Variants in CDC14B observed in about 807,000 individuals in gnomAD.
CDC14B encodes the protein cell division cycle 14B.
CDC14B carries 22 observed loss-of-function variants against 64.2 expected under a neutral mutation model. The observed-to-expected ratio is 0.34, with a 90% CI of 0.24 to 0.49. CDC14B has a LOEUF of 0.49. Among genes scored for constraint, CDC14B ranks in the 20% least tolerant of loss-of-function variants. CDC14B has a pLI of 0.99. For synonymous variants in CDC14B, 191 were observed against 215.8 expected (o/e 0.89, Z 1.01); for missense variants, 498 against 629.9 (o/e 0.79, Z 2.24).
chr9:96,589,571 A>G (rs1314328612), intron 1 of CDC14B, among the ~76,000 whole-genome samples: 1 of 152,192 alleles, frequency 6.6e-6, no homozygotes, highest in African/African-American at 2.4e-5. Flanking sequence ...GATCTTCAGG[A>G]GCCTAATGTA....
chr9:96,493,156 G>C (rs576461371), exon 14 of CDC14B: 2 of 152,326 alleles, frequency 1.3e-5, no homozygotes, highest in Non-Finnish European at 2.9e-5. Context: ...CTGAGCCTGC[G>C]TCTCCGAAGC....
In CDC14B at chr9:96,516,624, C is replaced by T. The variant is rs375199958; in HGVS notation, c.1343+5882G>A. 6.6e-5 allele frequency among the ~76,000 whole-genome samples: 10 copies of T among 151,936 alleles called. No individual in the cohort carries two copies. In the South Asian group the frequency reaches 1.2e-3, roughly 19 times the overall value. On this transcript the variant is annotated intron_variant, in intron 12 of 13. Coordinates refer to ENST00000375241, the MANE Select transcript of CDC14B (RefSeq NM_033331.4). ...CCTCCTGAGTAGTTGGGATTAGAGG[C>T]GCACATCACCACGCCCGGCTAAGTA... is the stretch of plus-strand genomic sequence containing the variant.
chr9:96,567,148 C>T (rs547749283), intron 1 of CDC14B: 11 of 447,516 alleles, frequency 2.5e-5, no homozygotes, highest in African/African-American at 2.2e-4. Flanking sequence ...AGGGCTCCTC[C>T]AGTGCCCAAA....
intron 12 of CDC14B, among the ~76,000 whole-genome samples, chr9:96,517,467 A>G (rs1215448041): frequency 2.7e-5 from 4 of 149,914 alleles, no homozygotes; most frequent in Non-Finnish European, 5.9e-5. Flanking sequence ...CCTGGCTAAC[A>G]TGGTGAAACC....
chr9:96,574,547 T>A (rs1473688251), intron 1 of CDC14B, among the ~76,000 whole-genome samples: 1 of 151,932 alleles, frequency 6.6e-6, no homozygotes, highest in Non-Finnish European at 1.5e-5. Context: ...ATTTCTTTTT[T>A]ACTCAAAACA....
At chr9:96,497,644 T>C (rs1412554668), downstream of CDC14B, among the ~76,000 whole-genome samples, 17 of 152,320 alleles carry the variant, frequency 1.1e-4, no homozygotes, top group African/African-American at 3.8e-4. Context: ...GCGGCGACTG[T>C]GCATTTTTAC....
chr9:96,579,415 G>A (rs1442868319), intron 1 of CDC14B, among the ~76,000 whole-genome samples: 22 of 151,808 alleles, frequency 1.4e-4, no homozygotes, highest in Admixed American at 1.2e-3. Flanking sequence ...GTGAAACCCC[G>A]TCTCTACCAA....
Position 96,534,062 on chromosome 9 carries a change from T to C in CDC14B, c.811A>G (p.Lys271Glu). 2.5e-6 allele frequency: 4 copies of C among 1,613,208 alleles called. No homozygotes were observed. Among genetic ancestry groups the C allele is most frequent in the Non-Finnish European group, 3.4e-6 (4 of 1,179,230 alleles). Residue 271 changes from lysine to glutamate, a missense_variant, in exon 9 of 14, where the codon AAA becomes GAA. By Grantham distance (56) the Lys-to-Glu change is moderately conservative. Transcript: ENST00000375241. ...TCGAAGCCAGCATCCGTAAAGCGTT[T>C]GGCATCATACATCCTTTTATTCAGA... ...IRLNKRMYDA[K>E]RFTDAGFDHH...
Position 96,502,902 on chromosome 9 carries a change from G to A in CDC14B, c.*851C>T, listed in dbSNP as rs1273839739. On this transcript the variant is annotated 3_prime_UTR_variant, in exon 14 of 14. Transcript: ENST00000375241. ...ATTATTTGGGATTGCTGTTTCCAAG[G>A]GGAAAAACCAATAGTGTGTTTCTTC... is the stretch of plus-strand genomic sequence containing the variant. The A allele has an allele frequency of 7.5e-6, 3 of 398,364 alleles. No individual in the cohort carries two copies. The highest frequency in any genetic ancestry group is 1.3e-5 in the Non-Finnish European group (3 of 226,028). 24.7% of individuals were successfully genotyped at this position (398,364 alleles called of 1,614,324 possible).
chr9:96,614,317 T>C (rs1417432668), intron 1 of CDC14B, among the ~76,000 whole-genome samples: 3 of 151,924 alleles, frequency 2.0e-5, no homozygotes, highest in African/African-American at 4.8e-5. Context: ...ACACAGCTCA[T>C]TGCAGCCTTG....
At chr9:96,601,414 T>G (rs1265175260) in intron 1 of CDC14B, among the ~76,000 whole-genome samples, 1 of 151,508 alleles carries the variant, frequency 6.6e-6, no homozygotes, top group Non-Finnish European at 1.5e-5. Flanking sequence ...GGAGAATTGC[T>G]TGAACCCGGG....
At chr9:96,564,042 A>C (rs2132299402) in intron 3 of CDC14B, among the ~76,000 whole-genome samples, 1 of 152,250 alleles carries the variant, frequency 6.6e-6, no homozygotes, top group East Asian at 1.9e-4. Context: ...AATAAATTTT[A>C]TTTCCTCTCT....
intron 1 of CDC14B, among the ~76,000 whole-genome samples, chr9:96,582,296 A>C (rs995815476): frequency 6.6e-6 from 1 of 152,218 alleles, no homozygotes; most frequent in African/African-American, 2.4e-5. Flanking sequence ...AAATCAATAT[A>C]CTTTATGTTC....
intron 1 of CDC14B, among the ~76,000 whole-genome samples, chr9:96,590,150 AT>A (rs1845694810): frequency 6.6e-6 from 1 of 152,016 alleles, no homozygotes; most frequent in East Asian, 1.9e-4. Flanking sequence ...TCTTTTCCCT[AT>A]CCCCCAAAGG....
intron 1 of CDC14B, 60 bp downstream of exon 1, chr9:96,619,159 C>A: frequency 8.3e-7 from 1 of 1,205,750 alleles, no homozygotes; most frequent in Non-Finnish European, 1.0e-6. Flanking sequence ...GGAGGTGGGC[C>A]AGGGCCCCGC....
downstream of CDC14B, chr9:96,496,412 A>G (rs1199457927): frequency 2.1e-6 from 1 of 474,832 alleles, no homozygotes; most frequent in African/African-American, 2.0e-5. Context: ...CACCACCACC[A>G]CAGGGCCTGT....
chr9:96,574,863 A>G (rs1014261704), intron 1 of CDC14B, among the ~76,000 whole-genome samples: 1 of 152,208 alleles, frequency 6.6e-6, no homozygotes, highest in African/African-American at 2.4e-5. Flanking sequence ...TCAAAGAGAA[A>G]AAAGCTAACA....
intron 3 of CDC14B, among the ~76,000 whole-genome samples, chr9:96,563,657 A>G (rs892445468): frequency 2.1e-5 from 3 of 145,642 alleles, no homozygotes; most frequent in East Asian, 2.0e-4. Context: ...TCTCACGGGA[A>G]AAAAAAAAAA....
intron 6 of CDC14B, among the ~76,000 whole-genome samples, chr9:96,541,527 T>C (rs1275639398): frequency 6.6e-6 from 1 of 152,256 alleles, no homozygotes; most frequent in African/African-American, 2.4e-5. Context: ...TTTGTTCTTT[T>C]AGATCATAAT....
Sources: allele counts gnomAD v4.1 joint callset (sites outside exome capture counted in the v4.1 genomes callset), GRCh38; gene constraint gnomAD v4.1.1; transcripts MANE v1.5; gene names NCBI Gene and HGNC (gene_info 2026-07-23, HGNC 2026-07-21).